The following DDX24 variants were observed in gnomAD, a reference collection of about 807,000 sequenced individuals.
DDX24 encodes the protein DEAD-box helicase 24.
A neutral mutation model predicts 68.9 loss-of-function variants in DDX24; 24 were observed. That is an observed-to-expected ratio of 0.35 (90% CI 0.25 to 0.49). DDX24 has a LOEUF of 0.49. Ranked by LOEUF, DDX24 falls within the 20% of genes least tolerant of loss-of-function variation. DDX24 has a pLI of 0.99. For missense variants in DDX24, 989 were observed against 1,039.0 expected, an observed-to-expected ratio of 0.95 and a Z score of 0.66; for synonymous variants, 395 against 385.2, an observed-to-expected ratio of 1.03 and a Z score of -0.30.
chr14:94,078,646 T>C (rs534903213), intron 2 of DDX24, among the ~76,000 whole-genome samples: 9 of 152,314 alleles, frequency 5.9e-5, no homozygotes, highest in African/African-American at 2.2e-4. Flanking sequence ...GATCTTAGCC[T>C]TGCCTTACCC....
chr14:94,057,658 C>A, intron 6 of DDX24, 164 bp downstream of exon 6: 2 of 596,248 alleles, frequency 3.4e-6, no homozygotes, highest in African/African-American at 3.8e-5. Flanking sequence ...GAGACCAAAT[C>A]TCAGCAGTGT....
intron 2 of DDX24, among the ~76,000 whole-genome samples, chr14:94,078,549 A>C (rs1424503279): frequency 1.3e-5 from 2 of 152,212 alleles, no homozygotes; most frequent in Non-Finnish European, 2.9e-5. Flanking sequence ...CAACTCCCAA[A>C]GCAGCAACCC....
At chr14:94,054,408 C>A (rs1459921975) in intron 7 of DDX24, among the ~76,000 whole-genome samples, 1 of 152,178 alleles carries the variant, frequency 6.6e-6, no homozygotes, top group East Asian at 1.9e-4. Context: ...TCTTTGCCAG[C>A]AGGAAGCTGG....
rs1885369845 is a variant in DDX24, at chr14:94,050,614, C to A, written c.*577G>T. 6.6e-6 allele frequency: 1 copy of A among 152,332 alleles called. No homozygotes were observed. The highest frequency in any genetic ancestry group is 6.5e-5 in the Admixed American group (1 of 15,282). 9.4% of individuals were successfully genotyped at this position (152,332 alleles called of 1,614,324 possible). A position where few individuals can be genotyped will look rare whatever the true frequency, so the allele number is the denominator to read the frequency against. On this transcript the variant is annotated 3_prime_UTR_variant, in exon 9 of 9. Transcript: ENST00000621632. ...TGTGAGGGAAGCCTGAAGACAGCAA[C>A]CTCATCCCTGCCCACCTCCCACGGT...
intron 2 of DDX24, 89 bp from the exon 3 acceptor site, chr14:94,062,710 A>G: frequency 6.8e-7 from 1 of 1,479,932 alleles, no homozygotes; most frequent in Non-Finnish European, 9.0e-7. Context: ...TTTGCATAGA[A>G]TAAGGTAGCC....
Position 94,060,622 on chromosome 14 carries a change from C to A in DDX24, c.1398-9G>T. The A allele has an allele frequency of 1.2e-6, 2 of 1,610,268 alleles. No individual in the cohort carries two copies. Among genetic ancestry groups the A allele is most frequent in the Non-Finnish European group, 8.5e-7 (1 of 1,177,582 alleles). On this transcript the variant is annotated splice_polypyrimidine_tract_variant and intron_variant, in intron 4 of 8. Transcript: ENST00000621632. ...CATCCACTACCAGGCACCTGCAGAT[C>A]CAGAGAGACCCATATCATTGGTCAG...
chr14:94,071,732 G>C (rs559714049), intron 2 of DDX24, among the ~76,000 whole-genome samples: 1 of 152,274 alleles, frequency 6.6e-6, no homozygotes, highest in African/African-American at 2.4e-5. Context: ...GATCACCCGA[G>C]GTCGGGAGTT....
At chr14:94,061,171 T>A (rs1885589408) in intron 3 of DDX24, 105 bp from the exon 4 acceptor site, 2 of 1,335,012 alleles carry the variant, frequency 1.5e-6, no homozygotes, top group Non-Finnish European at 2.1e-6. Flanking sequence ...ATCAGCACAG[T>A]GTAATGCCCT....
At chr14:94,061,974 A>C in intron 3 of DDX24, 123 bp downstream of exon 3, 1 of 1,115,720 alleles carries the variant, frequency 9.0e-7, no homozygotes, top group Non-Finnish European at 1.2e-6. Context: ...GTAGGGCTTA[A>C]TTGTCTGGCT....
chr14:94,070,794 A>C (rs546351121), intron 2 of DDX24, among the ~76,000 whole-genome samples: 1 of 152,362 alleles, frequency 6.6e-6, no homozygotes, highest in Admixed American at 6.5e-5. Context: ...TGCCGGGATA[A>C]CTGGCTAGCC....
intron 2 of DDX24, among the ~76,000 whole-genome samples, chr14:94,068,183 T>C (rs1319942032): frequency 2.0e-5 from 3 of 152,132 alleles, no homozygotes; most frequent in Non-Finnish European, 4.4e-5. Flanking sequence ...TTAATGCAAA[T>C]GGACACCAAA....
intron 2 of DDX24, among the ~76,000 whole-genome samples, chr14:94,071,847 A>G (rs1885837973): frequency 6.6e-6 from 1 of 152,140 alleles, no homozygotes; most frequent in Non-Finnish European, 1.5e-5. Context: ...CGGGAGGCTG[A>G]GGCAGGAGAA....
Position 94,048,675 on chromosome 14 carries a change from G to C in DDX24, c.*2516C>G, listed in dbSNP as rs1205663328. ...CCTGTCCTTCCTGACAGGAAGCATAGGGCACTGCAGATGGGGAAGCATGTC... is the reference window on the plus strand; with the variant it reads ...CCTGTCCTTCCTGACAGGAAGCATACGGCACTGCAGATGGGGAAGCATGTC... On this transcript the variant is annotated 3_prime_UTR_variant, in exon 9 of 9. Transcript: ENST00000621632. 1 of 152,248 alleles carries C rather than the reference G, an allele frequency of 6.6e-6. No individual in the cohort carries two copies. The highest frequency in any genetic ancestry group is 1.5e-5 in the Non-Finnish European group (1 of 68,056). The allele number at this position is 152,248 out of a possible 1,614,324, so 9.4% of individuals were successfully genotyped here.
In DDX24 at chr14:94,060,922, C is replaced by T. The variant is rs769703503; in HGVS notation, c.1388G>A (p.Arg463Gln). The T allele has an allele frequency of 3.7e-6, 6 of 1,613,996 alleles. No homozygotes were observed. Among genetic ancestry groups the T allele is most frequent in the African/African-American group, 1.3e-5 (1 of 74,912 alleles). Residue 463 changes from arginine (R) to glutamine (Q), a missense_variant, in exon 4 of 9, where the codon CGG becomes CAG. This residue lies in a region of DDX24 where 691 missense variants were observed against 760.0 expected (regional missense o/e 0.91). Coordinates refer to ENST00000621632, the MANE Select transcript of DDX24 (RefSeq NM_020414.4). ...AAGTGCCATCTATTACCTGAGCTGCCGAAGGTTCCTCAAATGATAATGCTT... is the reference window on the plus strand; with the variant it reads ...AAGTGCCATCTATTACCTGAGCTGCTGAAGGTTCCTCAAATGATAATGCTT... ...KEKHYHLRNL[R>Q]QLRCLVVDEA... is the part of the protein sequence containing the mutation.
rs191010224 is a variant in DDX24 at position 94,077,745 on chromosome 14, C to T, written c.718+1280G>A. Reference sequence around the variant, plus strand: ...CATCTATATGACTGCCACAGAACATCATCCTGAGTTTCCTGACCACTGTTC... The same window carrying T: ...CATCTATATGACTGCCACAGAACATTATCCTGAGTTTCCTGACCACTGTTC... On this transcript the variant is annotated intron_variant, in intron 2 of 8. Transcript: ENST00000621632. Among the ~76,000 whole-genome samples the T allele has an allele frequency of 1.8e-4, 27 of 152,266 alleles. No individual in the cohort carries two copies. In the East Asian group the frequency reaches 5.0e-3, roughly 28 times the overall value.
At chr14:94,077,537 T>C (rs1255289679) in intron 2 of DDX24, among the ~76,000 whole-genome samples, 1 of 152,274 alleles carries the variant, frequency 6.6e-6, no homozygotes, top group Non-Finnish European at 1.5e-5. Flanking sequence ...AAGCTGTCTA[T>C]GCTCTGTGAG....
rs1320797698 is a variant in DDX24, at chr14:94,048,498, T to G, written c.*2693A>C. The G allele has an allele frequency of 1.3e-5, 2 of 152,184 alleles. No homozygotes were observed. 9.4% of individuals were successfully genotyped at this position (152,184 alleles called of 1,614,324 possible). ...ATGATCTTGGCCAAGTCACTTCACC[T>G]CCCTGAGCCCCAATTCCCAAGTTTG... On this transcript the variant is annotated 3_prime_UTR_variant, in exon 9 of 9. Coordinates refer to ENST00000621632, the MANE Select transcript of DDX24 (RefSeq NM_020414.4).
intron 6 of DDX24, 107 bp from the exon 7 acceptor site, chr14:94,055,291 G>C: frequency 5.2e-6 from 6 of 1,156,760 alleles, no homozygotes; most frequent in Non-Finnish European, 7.3e-6. Flanking sequence ...CAGCCAGGCA[G>C]GTAGAAACTT....
rs1001883768 is a variant in DDX24, at chr14:94,051,602, G to C, written c.2309-140C>G. 32 of 1,163,906 alleles carry C rather than the reference G, an allele frequency of 2.7e-5. No individual in the cohort carries two copies. The Middle Eastern group carries it at 6.3e-4, about 23-fold the overall frequency. 72.1% of individuals were successfully genotyped at this position (1,163,906 alleles called of 1,614,324 possible). A position where few individuals can be genotyped will look rare whatever the true frequency, so the allele number is the denominator to read the frequency against. On this transcript the variant is annotated intron_variant, in intron 8 of 8. Transcript: ENST00000621632. ...TCAAAAGTTCTCTGAAGAAGCTAGT[G>C]GTGGCTTGGCAGGGGCTGTAAATGG...
Sources: allele counts gnomAD v4.1 joint callset (sites outside exome capture counted in the v4.1 genomes callset), GRCh38; gene constraint gnomAD v4.1.1; regional missense constraint gnomAD v4.1.1; transcripts MANE v1.5; gene names NCBI Gene and HGNC (gene_info 2026-07-23, HGNC 2026-07-21).